Variants in TBXAS1 observed in about 807,000 individuals in gnomAD.
TBXAS1 encodes the protein thromboxane A synthase 1.
A neutral mutation model predicts 60.7 loss-of-function variants in TBXAS1; 48 were observed. That is an observed-to-expected ratio of 0.79 (90% CI 0.63 to 1.01). The LOEUF is 1.01. TBXAS1 is among the 50% of genes least tolerant of loss of function. The pLI is 0.00. For missense variants in TBXAS1, 685 were observed against 686.3 expected (o/e 1.00, Z 0.02); for synonymous variants, 287 against 269.7 (o/e 1.06, Z -0.63).
At chr7:139,952,097 T>A (rs1207839684) in intron 5 of TBXAS1, among the ~76,000 whole-genome samples, 5 of 152,212 alleles carry the variant, frequency 3.3e-5, no homozygotes, top group African/African-American at 9.6e-5. Context: ...ACTTGCTGTC[T>A]GAGTGTCGGG....
In TBXAS1 at chr7:139,953,355, T is replaced by C. The variant is rs1182270535; in HGVS notation, c.451-13T>C. 8 of 1,610,496 alleles carry C rather than the reference T, an allele frequency of 5.0e-6. No homozygotes were observed. Among genetic ancestry groups the C allele is most frequent in the African/African-American group, 2.7e-5 (2 of 74,848 alleles). On this transcript the variant is annotated splice_polypyrimidine_tract_variant and intron_variant, in intron 5 of 12. Coordinates refer to ENST00000448866, the MANE Select transcript of TBXAS1 (RefSeq NM_001061.7). Reference sequence around the variant, plus strand: ...CATGGTGCCCTAATTACACCTTTGTTATCCATTATCAGATGGTTCCCCTCA... The same window carrying C: ...CATGGTGCCCTAATTACACCTTTGTCATCCATTATCAGATGGTTCCCCTCA...
chr7:139,826,754 G>A (rs1798447612), upstream of TBXAS1, among the ~76,000 whole-genome samples: 1 of 152,158 alleles, frequency 6.6e-6, no homozygotes, highest in Admixed American at 6.5e-5. Context: ...CTAGTGTGTA[G>A]TAAGCACTCA....
intron 3 of TBXAS1, among the ~76,000 whole-genome samples, chr7:139,905,193 C>T (rs563054471): frequency 1.3e-5 from 2 of 151,710 alleles, no homozygotes; most frequent in South Asian, 4.2e-4. Context: ...TGTCTTGTTC[C>T]AGTTCCGAGA....
intron 10 of TBXAS1, among the ~76,000 whole-genome samples, chr7:140,007,473 G>A (rs558752967): frequency 3.9e-5 from 6 of 152,134 alleles, no homozygotes; most frequent in African/African-American, 4.8e-5. Context: ...CATTTCCCCT[G>A]CCTGTTCGTT....
At chr7:139,782,553 G>A (rs529446212) in intron 2 of TBXAS1, 1 of 152,002 alleles carries the variant, frequency 6.6e-6, no homozygotes, top group South Asian at 2.1e-4. Flanking sequence ...TCTTTTTGGT[G>A]TATGCATTTA....
At chr7:139,815,532 A>G (rs1359881940) in intron 4 of TBXAS1, among the ~76,000 whole-genome samples, 1 of 152,078 alleles carries the variant, frequency 6.6e-6, no homozygotes, top group African/African-American at 2.4e-5. Flanking sequence ...CCTTGGCAAT[A>G]CCTCTCTATG....
Position 139,980,364 on chromosome 7 carries a change from C to T in TBXAS1, c.1134+18131C>T, listed in dbSNP as rs896848363. ...TTCCCTAATGAGTTGAGAATCAATG[C>T]GAATCATCTGAAATGAGAGGTGGCC... On this transcript the variant is annotated intron_variant, in intron 9 of 12. Coordinates refer to ENST00000448866, the MANE Select transcript of TBXAS1 (RefSeq NM_001061.7). Among the ~76,000 whole-genome samples, 9 of 152,182 alleles carry T rather than the reference C, an allele frequency of 5.9e-5. No individual in the cohort carries two copies. In the East Asian group the frequency reaches 1.5e-3, roughly 26 times the overall value.
At chr7:139,781,473 G>T (rs758447590) in intron 2 of TBXAS1, among the ~76,000 whole-genome samples, 6 of 152,104 alleles carry the variant, frequency 3.9e-5, no homozygotes, top group Non-Finnish European at 5.9e-5. Flanking sequence ...CCAGGACGGG[G>T]GATTCCTCAA....
At chr7:139,967,858 T>C (rs901463932) in intron 9 of TBXAS1, among the ~76,000 whole-genome samples, 1 of 152,236 alleles carries the variant, frequency 6.6e-6, no homozygotes, top group Non-Finnish European at 1.5e-5. Flanking sequence ...TTTCCTGTTA[T>C]GTGATCATGT....
intron 4 of TBXAS1, among the ~76,000 whole-genome samples, chr7:139,794,594 A>G (rs145699565): frequency 0.013 from 2,023 of 151,254 alleles, 41 homozygotes; most frequent in African/African-American, 0.047. Context: ...TACATGTGCC[A>G]TGCTGATGCA....
intron 10 of TBXAS1, among the ~76,000 whole-genome samples, chr7:140,014,234 G>A (rs767835203): frequency 6.6e-5 from 10 of 152,200 alleles, no homozygotes; most frequent in East Asian, 1.9e-4. Flanking sequence ...ATCTGCAGAC[G>A]GGGAGAGACG....
At chr7:139,864,257 A>G (rs1020192097) in intron 1 of TBXAS1, among the ~76,000 whole-genome samples, 3 of 152,102 alleles carry the variant, frequency 2.0e-5, no homozygotes, top group Non-Finnish European at 4.4e-5. Context: ...AAAAAAAAAA[A>G]AAGGTGCTCC....
intron 5 of TBXAS1, among the ~76,000 whole-genome samples, chr7:139,938,279 G>A (rs1442654399): frequency 1.3e-5 from 2 of 152,082 alleles, no homozygotes; most frequent in Admixed American, 1.3e-4. Flanking sequence ...TCACTTGGGG[G>A]GCTTTGAAAA....
chr7:139,972,555 T>C lies in TBXAS1; in HGVS notation c.1134+10322T>C, dbSNP rs763776102. On this transcript the variant is annotated intron_variant, in intron 9 of 12. Coordinates refer to ENST00000448866, the MANE Select transcript of TBXAS1 (RefSeq NM_001061.7). ...TTGAAATAAAAGAATAAACATACTT[T>C]TTTTTTAACTTCCCCAGACTCTGTT... Among the ~76,000 whole-genome samples, 72 of 152,198 alleles carry C rather than the reference T, an allele frequency of 4.7e-4. 1 individual carries two copies. The highest frequency in any genetic ancestry group is 1.6e-4 in the Non-Finnish European group (11 of 68,044).
At chr7:139,913,286 G>A in intron 4 of TBXAS1, 1 of 613,990 alleles carries the variant, frequency 1.6e-6, no homozygotes, top group South Asian at 1.8e-5. Flanking sequence ...AACTGATTCT[G>A]ATTATTAAAT....
chr7:139,945,336 G>A (rs1453957616), intron 5 of TBXAS1, among the ~76,000 whole-genome samples: 1 of 152,230 alleles, frequency 6.6e-6, no homozygotes, highest in Non-Finnish European at 1.5e-5. Flanking sequence ...TAGGGATGAG[G>A]ACCCACGTTC....
intron 4 of TBXAS1, among the ~76,000 whole-genome samples, chr7:139,806,439 T>G (rs1284456638): frequency 6.6e-6 from 1 of 151,078 alleles, no homozygotes; most frequent in Non-Finnish European, 1.5e-5. Flanking sequence ...ATTTTTGTAT[T>G]TTTAGTAGAG....
chr7:139,873,622 G>A (rs1048752221), intron 2 of TBXAS1, among the ~76,000 whole-genome samples: 6 of 152,198 alleles, frequency 3.9e-5, no homozygotes, highest in Non-Finnish European at 7.3e-5. Context: ...AACGTTGGGT[G>A]GGGGAGTGGT....
At chr7:139,825,725 G>A (rs770324331), upstream of TBXAS1, among the ~76,000 whole-genome samples, 2 of 152,164 alleles carry the variant, frequency 1.3e-5, no homozygotes, top group African/African-American at 2.4e-5. Context: ...ACAGTGTACC[G>A]GTCACTTTCC....
Sources: gnomAD v4.1 joint callset for allele counts (sites outside exome capture counted in the v4.1 genomes callset) on GRCh38, gnomAD v4.1.1 for gene constraint, MANE v1.5 for transcripts, NCBI Gene and HGNC (gene_info 2026-07-23, HGNC 2026-07-21) for gene names.